Variants in CDK14 observed in about 807,000 individuals in gnomAD.
CDK14 encodes cyclin-dependent kinase 14.
In CDK14, 34 loss-of-function variants were observed where a neutral mutation model predicts 60.7. The ratio of observed to expected loss-of-function variants is 0.56; its 90% CI spans 0.43 to 0.75. The LOEUF is 0.75. CDK14 is among the 30% of genes least tolerant of loss of function. CDK14 has a pLI of 0.00. For synonymous variants in CDK14, 197 were observed against 203.7 expected (o/e 0.97, Z 0.28); for missense variants, 482 against 564.1 (o/e 0.85, Z 1.47).
chr7:90,965,013 C>T (rs1454554504), intron 9 of CDK14, among the ~76,000 whole-genome samples: 1 of 152,174 alleles, frequency 6.6e-6, no homozygotes, highest in Non-Finnish European at 1.5e-5. Context: ...TTCTCAAACA[C>T]AACAGCAAAT....
chr7:90,767,397 T>A (rs1488630043), intron 4 of CDK14, among the ~76,000 whole-genome samples: 3 of 152,208 alleles, frequency 2.0e-5, no homozygotes, highest in Admixed American at 2.0e-4. Context: ...CTGTTTTTTC[T>A]CTCTAGTCAT....
chr7:91,093,918 A>G (rs1297345072), intron 12 of CDK14, among the ~76,000 whole-genome samples: 1 of 152,188 alleles, frequency 6.6e-6, no homozygotes, highest in Non-Finnish European at 1.5e-5. Flanking sequence ...GTATATTAAC[A>G]TAGGAACAGA....
intron 10 of CDK14, among the ~76,000 whole-genome samples, chr7:90,991,217 C>T (rs1424848843): frequency 1.3e-5 from 2 of 152,048 alleles, no homozygotes; most frequent in African/African-American, 2.4e-5. Flanking sequence ...GTGATAGCGG[C>T]GGTGACCTCA....
intron 14 of CDK14, among the ~76,000 whole-genome samples, chr7:91,180,391 C>G (rs1193429128): frequency 6.6e-6 from 1 of 152,128 alleles, no homozygotes; most frequent in East Asian, 1.9e-4. Context: ...TAAATATGCT[C>G]TATGCCTATC....
chr7:90,693,914 A>G (rs1801604902), intron 2 of CDK14, among the ~76,000 whole-genome samples: 1 of 152,220 alleles, frequency 6.6e-6, no homozygotes, highest in South Asian at 2.1e-4. Context: ...TATAGTATAA[A>G]GAGGCTAGTG....
At chr7:90,773,000 G>A (rs574602508) in intron 4 of CDK14, among the ~76,000 whole-genome samples, 1 of 152,082 alleles carries the variant, frequency 6.6e-6, no homozygotes, top group Non-Finnish European at 1.5e-5. Context: ...CAAGTATTCT[G>A]CCATAAACAT....
intron 5 of CDK14, chr7:90,824,704 A>G (rs1055207888): frequency 1.2e-4 from 19 of 152,188 alleles, no homozygotes; most frequent in African/African-American, 4.3e-4. Context: ...ATACTTTGCC[A>G]TTTTTGATCT....
intron 5 of CDK14, among the ~76,000 whole-genome samples, chr7:90,836,648 AC>A (rs1199838540): frequency 1.4e-4 from 21 of 152,240 alleles, no homozygotes. Flanking sequence ...AAAATGGTAT[AC>A]ATAAACCAGT....
chr7:91,024,523 C>T (rs530973706), intron 10 of CDK14, among the ~76,000 whole-genome samples: 31 of 152,246 alleles, frequency 2.0e-4, no homozygotes, highest in African/African-American at 6.0e-4. Flanking sequence ...TTGTGGCACA[C>T]GCCTGTAGTC....
At chr7:90,919,727 G>A (rs4728947) in intron 8 of CDK14, among the ~76,000 whole-genome samples, 150,207 of 152,338 alleles carry the variant, frequency 0.99, 74,081 homozygotes, top group South Asian at 1. Context: ...CATTTGTAAC[G>A]GCTTAGATTT....
intron 9 of CDK14, among the ~76,000 whole-genome samples, chr7:90,973,772 G>A (rs1794993520): frequency 6.6e-6 from 1 of 152,084 alleles, no homozygotes; most frequent in Non-Finnish European, 1.5e-5. Context: ...CTTACAGGGA[G>A]TAAGTCACAG....
At chr7:90,734,729 C>G (rs1283142108) in intron 3 of CDK14, among the ~76,000 whole-genome samples, 2 of 152,060 alleles carry the variant, frequency 1.3e-5, no homozygotes, top group Non-Finnish European at 2.9e-5. Flanking sequence ...TTTCAAGGTT[C>G]TTAGCTTTAT....
At chr7:90,626,337 G>T (rs979984561) in intron 2 of CDK14, among the ~76,000 whole-genome samples, 12 of 152,010 alleles carry the variant, frequency 7.9e-5, no homozygotes, top group Non-Finnish European at 1.8e-4. Context: ...TCTCTTCTTT[G>T]GGTATAAATT....
chr7:90,612,393 C>T (rs1201931062), intron 2 of CDK14, among the ~76,000 whole-genome samples: 1 of 152,114 alleles, frequency 6.6e-6, no homozygotes, highest in Non-Finnish European at 1.5e-5. Context: ...CTAGTTCAGC[C>T]TCACAGGCAT....
At chr7:91,164,746 A>G (rs945486040) in intron 14 of CDK14, among the ~76,000 whole-genome samples, 6 of 152,170 alleles carry the variant, frequency 3.9e-5, no homozygotes, top group African/African-American at 1.4e-4. Flanking sequence ...TGCACTCCCA[A>G]TATCCAGTTG....
chr7:91,186,266 T>C (rs1395616217), intron 14 of CDK14, among the ~76,000 whole-genome samples: 13 of 17,238 alleles, frequency 7.5e-4, no homozygotes, highest in African/African-American at 1.8e-3. Flanking sequence ...CCCTCCCCTC[T>C]CCTCTCCTCC....
chr7:90,900,284 A>G (rs566343958), intron 7 of CDK14, among the ~76,000 whole-genome samples: 1 of 152,280 alleles, frequency 6.6e-6, no homozygotes, highest in South Asian at 2.1e-4. Context: ...TGGAATCAAT[A>G]TAGAAATTAT....
At chr7:90,968,246 T>C (rs939559548) in intron 9 of CDK14, among the ~76,000 whole-genome samples, 1 of 152,216 alleles carries the variant, frequency 6.6e-6, no homozygotes, top group African/African-American at 2.4e-5. Context: ...TATCCTTAGA[T>C]TCCTGTTGGT....
intron 14 of CDK14, among the ~76,000 whole-genome samples, chr7:91,136,031 A>G (rs1344899755): frequency 6.6e-6 from 1 of 152,078 alleles, no homozygotes; most frequent in Admixed American, 6.5e-5. Flanking sequence ...AAAATGAGGC[A>G]GATAAAAACT....
Sources: allele counts gnomAD v4.1 joint callset (sites outside exome capture counted in the v4.1 genomes callset), GRCh38; gene constraint gnomAD v4.1.1; transcripts MANE v1.5; gene names NCBI Gene and HGNC (gene_info 2026-07-23, HGNC 2026-07-21).